The following LRRC1 variants were observed in gnomAD, a reference collection of about 807,000 sequenced individuals.
LRRC1 encodes leucine rich repeat containing 1.
In LRRC1, 28 loss-of-function variants were observed where a neutral mutation model predicts 69.9. The observed-to-expected ratio is 0.40, with a 90% confidence interval of 0.30 to 0.55. The LOEUF is 0.55. Among genes scored for constraint, LRRC1 ranks in the 20% least tolerant of loss-of-function variants. The probability of loss-of-function intolerance (pLI) is 0.47; values close to 1 mark genes in which losing one functional copy is unlikely to be tolerated. For missense variants in LRRC1, 498 were observed against 609.0 expected, an observed-to-expected ratio of 0.82 and a Z score of 1.92; for synonymous variants, 236 against 240.2, an observed-to-expected ratio of 0.98 and a Z score of 0.16.
At chr6:53,867,283 C>A (rs1461163521) in intron 2 of LRRC1, among the ~76,000 whole-genome samples, 1 of 152,044 alleles carries the variant, frequency 6.6e-6, no homozygotes, top group Non-Finnish European at 1.5e-5. Flanking sequence ...TCTGCCGCTG[C>A]AGTTTTATGA....
In LRRC1 at chr6:53,902,675, C is replaced by G. The variant is rs1324229855; in HGVS notation, c.834C>G (p.Leu278=). The change falls in exon 9 of 14, where the codon CTC becomes CTG. Residue 278 remains leucine (L), a synonymous_variant. Transcript: ENST00000370888. ...LSILKVDQNR[L]TQLPEAVGEC... is the part of the protein sequence containing the mutation. ...TCTTGAAGGTGGATCAGAATAGACTCACACAGTTGCCTGAAGCAGTTGGGG... is the reference window on the plus strand; with the variant it reads ...TCTTGAAGGTGGATCAGAATAGACTGACACAGTTGCCTGAAGCAGTTGGGG... 6.2e-7 allele frequency: 1 copy of G among 1,613,232 alleles called. No homozygotes were observed. The highest frequency in any genetic ancestry group is 8.5e-7 in the Non-Finnish European group (1 of 1,179,644).
intron 1 of LRRC1, among the ~76,000 whole-genome samples, chr6:53,800,062 C>T (rs1243596424): frequency 2.0e-5 from 3 of 151,978 alleles, no homozygotes; most frequent in African/African-American, 4.8e-5. Flanking sequence ...AATGCTGCCC[C>T]AACACTTGGA....
chr6:53,829,317 A>T (rs1281219147), intron 1 of LRRC1, among the ~76,000 whole-genome samples: 1 of 152,206 alleles, frequency 6.6e-6, no homozygotes. Flanking sequence ...GAGATTATGT[A>T]TGTAGAGTGC....
Position 53,919,651 on chromosome 6 carries a change from T to C in LRRC1, c.1260T>C (p.Pro420=). The change falls in exon 12 of 14, where the codon CCT becomes CCC. Residue 420 remains proline, a synonymous_variant. Coordinates refer to ENST00000370888, the MANE Select transcript of LRRC1 (RefSeq NM_018214.5). ...ILTCVLLPQL[P]SEPTCQENLP... ...CCTGTGTCTTACTTCCTCAGCTGCC[T>C]TCTGAACCTACTTGTCAAGGTGAAT... The C allele has an allele frequency of 1.9e-6, 3 of 1,611,640 alleles. No homozygotes were observed. The highest frequency in any genetic ancestry group is 2.2e-5 in the South Asian group (2 of 90,360).
chr6:53,812,559 G>A (rs902773254), intron 1 of LRRC1, among the ~76,000 whole-genome samples: 2 of 151,560 alleles, frequency 1.3e-5, no homozygotes, highest in South Asian at 2.1e-4. Context: ...GCGTGGTGGC[G>A]GGCGCCTGTA....
At chr6:53,874,950 TG>T (rs1248935128) in intron 2 of LRRC1, among the ~76,000 whole-genome samples, 1 of 152,172 alleles carries the variant, frequency 6.6e-6, no homozygotes, top group Non-Finnish European at 1.5e-5. Flanking sequence ...AATGTTCAGC[TG>T]CAATAGTCAT....
At chr6:53,811,441 G>A (rs377637632) in intron 1 of LRRC1, among the ~76,000 whole-genome samples, 1 of 152,208 alleles carries the variant, frequency 6.6e-6, no homozygotes, top group Non-Finnish European at 1.5e-5. Context: ...AGAGAAGGAC[G>A]TTTCCTCTCC....
intron 1 of LRRC1, 67 bp downstream of exon 1, chr6:53,795,482 C>T (rs1300567370): frequency 1.4e-6 from 2 of 1,469,996 alleles, no homozygotes; most frequent in South Asian, 1.3e-5. Context: ...CCCATCCTCT[C>T]TCGTCCCCTC....
intron 1 of LRRC1, among the ~76,000 whole-genome samples, chr6:53,817,777 A>C (rs906158976): frequency 6.6e-6 from 1 of 152,096 alleles, no homozygotes; most frequent in Non-Finnish European, 1.5e-5. Context: ...CTTACCATAC[A>C]TAGTGTTCTC....
chr6:53,841,767 A>G (rs1286666503), intron 1 of LRRC1, among the ~76,000 whole-genome samples: 2 of 152,158 alleles, frequency 1.3e-5, no homozygotes, highest in Non-Finnish European at 2.9e-5. Context: ...TGTCTTTAGC[A>G]TTGCAGATTT....
rs562460272 is a variant in LRRC1, at chr6:53,907,039, C to T, written c.990+2577C>T. Among the ~76,000 whole-genome samples the T allele has an allele frequency of 5.9e-5, 9 of 152,324 alleles. No individual in the cohort carries two copies. In the East Asian group the frequency reaches 1.5e-3, roughly 26 times the overall value. ...GAGCAGCCAAACCAGCAAGAGCCTC[C>T]TGACCTCTCATTGCATCACGTTGGC... On this transcript the variant is annotated intron_variant, in intron 10 of 13. Coordinates refer to ENST00000370888, the MANE Select transcript of LRRC1 (RefSeq NM_018214.5).
chr6:53,867,865 G>A (rs1054153776), intron 2 of LRRC1, among the ~76,000 whole-genome samples: 1 of 149,772 alleles, frequency 6.7e-6, no homozygotes, highest in Non-Finnish European at 1.5e-5. Context: ...GAGGTGGGAG[G>A]ATTATTGGAG....
intron 3 of LRRC1, among the ~76,000 whole-genome samples, chr6:53,879,426 C>T (rs1047531321): frequency 6.6e-5 from 10 of 152,134 alleles, no homozygotes; most frequent in African/African-American, 2.2e-4. Flanking sequence ...GCTGGGACTA[C>T]AGGCACCCGC....
At chr6:53,903,691 G>T (rs1220097708) in intron 9 of LRRC1, among the ~76,000 whole-genome samples, 1 of 152,206 alleles carries the variant, frequency 6.6e-6, no homozygotes, top group Non-Finnish European at 1.5e-5. Flanking sequence ...TGGGTGGGGA[G>T]CCCAGCAGCC....
intron 1 of LRRC1, among the ~76,000 whole-genome samples, chr6:53,798,928 C>A (rs1764383221): frequency 6.6e-6 from 1 of 152,208 alleles, no homozygotes; most frequent in Non-Finnish European, 1.5e-5. Context: ...GTCCTACTTG[C>A]CCTGCAGGAA....
In LRRC1 at chr6:53,883,395, A is replaced by G. The variant is rs113766887; in HGVS notation, c.446+419A>G. On this transcript the variant is annotated intron_variant, in intron 4 of 13. Coordinates refer to ENST00000370888, the MANE Select transcript of LRRC1 (RefSeq NM_018214.5). ...AAGTATGTGCCCCTAAAGAACAGCT[A>G]TGTCTGACAGTATTTGTGAACTGTG... Among the ~76,000 whole-genome samples the G allele has an allele frequency of 4.5e-3, 687 of 152,326 alleles. 8 individuals carry two copies. The highest frequency in any genetic ancestry group is 0.041 in the East Asian group (211 of 5,182).
intron 1 of LRRC1, among the ~76,000 whole-genome samples, chr6:53,810,807 T>G (rs1764771006): frequency 6.6e-6 from 1 of 152,214 alleles, no homozygotes; most frequent in Non-Finnish European, 1.5e-5. Context: ...TCCCAGCCTC[T>G]GTGCCTTTCT....
chr6:53,922,221 G>A (rs1348773593), intron 13 of LRRC1, among the ~76,000 whole-genome samples: 3 of 152,116 alleles, frequency 2.0e-5, no homozygotes, highest in South Asian at 2.1e-4. Flanking sequence ...AGCCAGAATC[G>A]CTTTGGGTAA....
In LRRC1 at chr6:53,897,334, G is replaced by T; in HGVS notation, c.617G>T (p.Gly206Val). The T allele has an allele frequency of 6.2e-7, 1 of 1,612,268 alleles. No individual in the cohort carries two copies. Among genetic ancestry groups the T allele is most frequent in the Non-Finnish European group, 8.5e-7 (1 of 1,178,710 alleles). Residue 206 changes from glycine to valine, a missense_variant, in exon 7 of 14, where the codon GGA (glycine) becomes GTA (valine). Around this residue, in one of 3 missense-constraint regions of LRRC1, gnomAD observed 266 missense variants for 383.9 expected, o/e 0.69. Coordinates refer to ENST00000370888, the MANE Select transcript of LRRC1 (RefSeq NM_018214.5). Reference sequence around the variant, plus strand: ...CATCTAAAAGATCTCTGGTTGGATGGAAATCAACTGTCAGAATTACCTCAG... The same window carrying T: ...CATCTAAAAGATCTCTGGTTGGATGTAAATCAACTGTCAGAATTACCTCAG... The part of the protein sequence containing the change: ...LLHLKDLWLD[G>V]NQLSELPQEI...
Sources: allele counts gnomAD v4.1 joint callset (sites outside exome capture counted in the v4.1 genomes callset), GRCh38; gene constraint gnomAD v4.1.1; regional missense constraint gnomAD v4.1.1; transcripts MANE v1.5; gene names NCBI Gene and HGNC (gene_info 2026-07-23, HGNC 2026-07-21).